The following TEX2 variants were observed in gnomAD, a reference collection of about 807,000 sequenced individuals.
TEX2 encodes testis-expressed protein 2.
In TEX2, 53 loss-of-function variants were observed where a neutral mutation model predicts 106.9. The observed-to-expected ratio is 0.50, with a 90% CI of 0.40 to 0.62. The LOEUF (loss-of-function observed/expected upper bound fraction) is 0.62. TEX2 is among the 20% of genes least tolerant of loss of function. The pLI, the probability that TEX2 is intolerant of heterozygous loss-of-function variation, is 0.00. For synonymous variants in TEX2, 523 were observed against 534.8 expected, an observed-to-expected ratio of 0.98 and a Z score of 0.30; for missense variants, 1,207 against 1,379.0, an observed-to-expected ratio of 0.88 and a Z score of 1.98.
intron 2 of TEX2, among the ~76,000 whole-genome samples, chr17:64,204,769 G>C (rs2032778243): frequency 6.6e-6 from 1 of 152,130 alleles, no homozygotes; most frequent in East Asian, 1.9e-4. Flanking sequence ...AAGAATCTTC[G>C]ATGTTTTTGC....
At position 64,154,847 on chromosome 17, in the gene TEX2, A is replaced by T. The variant is rs1350755874; in HGVS notation, c.2925T>A (p.Ala975=). 2 of 1,601,222 alleles carry T rather than the reference A, an allele frequency of 1.2e-6. No individual in the cohort carries two copies. The highest frequency in any genetic ancestry group is 1.7e-6 in the Non-Finnish European group (2 of 1,174,060). ...SGGDKQLLPG[A]EGYVGGHRTS... is the part of the protein sequence containing the mutation. The stretch of plus-strand genomic sequence containing the variant: ...AGAAGCACTGATCCACTCACCCTTC[A>T]GCCCCTGGGAGGAGCTGTTTGTCTC... Residue 975 remains alanine (A), a synonymous_variant, in exon 9 of 12, where the codon GCT becomes GCA. Coordinates refer to ENST00000584379, the MANE Select transcript of TEX2 (RefSeq NM_001288732.2).
At chr17:64,190,422 C>T (rs1357661597) in intron 4 of TEX2, among the ~76,000 whole-genome samples, 1 of 152,160 alleles carries the variant, frequency 6.6e-6, no homozygotes, top group Non-Finnish European at 1.5e-5. Context: ...AACAGGGCAG[C>T]ATGATACCAA....
intron 1 of TEX2, among the ~76,000 whole-genome samples, chr17:64,232,735 T>C (rs1165771725): frequency 6.6e-6 from 1 of 152,238 alleles, no homozygotes; most frequent in Non-Finnish European, 1.5e-5. Context: ...AAACCTTCCA[T>C]ACAGGGTTGC....
In TEX2 at chr17:64,213,943, G is replaced by A. The variant is rs1035748262; in HGVS notation, c.275C>T (p.Pro92Leu). ...CACGGACAGTCCATCTGCCAGGACAGGCGAGGCAGCAGGGCCGGCGGGGTC... is the reference window on the plus strand; with the variant it reads ...CACGGACAGTCCATCTGCCAGGACAAGCGAGGCAGCAGGGCCGGCGGGGTC... Reference protein sequence around the residue: ...GHDPAGPAASPVLADGLSVSQ... With the variant: ...GHDPAGPAASLVLADGLSVSQ... The change falls in exon 2 of 12, where the codon CCT becomes CTT. Residue 92 changes from proline to leucine, a missense_variant. Pro to Leu is a moderately conservative substitution (Grantham distance 98). Coordinates refer to ENST00000584379, the MANE Select transcript of TEX2 (RefSeq NM_001288732.2). This position sits in a 1 kb window ranked among gnomAD's most constrained non-coding sequence, Gnocchi z 4.4. The A allele has an allele frequency of 8.7e-6, 14 of 1,614,116 alleles. No individual in the cohort carries two copies. Among genetic ancestry groups the A allele is most frequent in the Non-Finnish European group, 1.0e-5 (12 of 1,180,052 alleles).
At chr17:64,176,081 C>A (rs1009920153) in intron 6 of TEX2, among the ~76,000 whole-genome samples, 1 of 152,160 alleles carries the variant, frequency 6.6e-6, no homozygotes, top group African/African-American at 2.4e-5. Flanking sequence ...GCACGTTCAA[C>A]CCTCAAACTA....
At position 64,185,702 on chromosome 17, in the gene TEX2, C is replaced by A. The variant is rs113588162; in HGVS notation, c.2424+2466G>T. Among the ~76,000 whole-genome samples the A allele has an allele frequency of 0.014, 2,202 of 152,218 alleles. 56 individuals carry two copies. Among genetic ancestry groups the A allele is most frequent in the African/African-American group, 0.05 (2,071 of 41,528 alleles). ...CTTTGGGAGGCCGAGGAGAGTGGATCACCAGAGGTCAGGAGTTCAAGACCA... is the reference window on the plus strand; with the variant it reads ...CTTTGGGAGGCCGAGGAGAGTGGATAACCAGAGGTCAGGAGTTCAAGACCA... On this transcript the variant is annotated intron_variant, in intron 5 of 11. Coordinates refer to ENST00000584379, the MANE Select transcript of TEX2 (RefSeq NM_001288732.2). This position sits in a 1 kb window ranked among gnomAD's most constrained non-coding sequence, Gnocchi z 4.0.
intron 5 of TEX2, among the ~76,000 whole-genome samples, chr17:64,181,312 C>T (rs1598148887): frequency 6.6e-6 from 1 of 151,772 alleles, no homozygotes; most frequent in Admixed American, 6.6e-5. Flanking sequence ...CCCGTCTCTA[C>T]CAAAAATACA....
chr17:64,164,607 A>G (rs2031042438), intron 7 of TEX2, among the ~76,000 whole-genome samples: 1 of 152,140 alleles, frequency 6.6e-6, no homozygotes, highest in Non-Finnish European at 1.5e-5. Context: ...TGTGGCAAAA[A>G]TTACAGCTTA....
At chr17:64,218,527 T>A (rs1168714238) in intron 1 of TEX2, among the ~76,000 whole-genome samples, 1 of 150,476 alleles carries the variant, frequency 6.6e-6, no homozygotes, top group African/African-American at 2.5e-5. Flanking sequence ...CAAGTGATTC[T>A]CCTGCCTCGG....
chr17:64,180,965 A>C (rs1327299024), intron 5 of TEX2, among the ~76,000 whole-genome samples: 1 of 152,202 alleles, frequency 6.6e-6, no homozygotes, highest in Admixed American at 6.5e-5. Context: ...GGGGTTGCAC[A>C]AGGGACAGTG....
chr17:64,168,907 T>TTTTTTTA (rs2031267782), intron 7 of TEX2, among the ~76,000 whole-genome samples: 1 of 148,460 alleles, frequency 6.7e-6, no homozygotes, highest in African/African-American at 2.5e-5. Context: ...TGGTGCTTTT[T>TTTTTTTA]TTTTTTTTTT....
rs2034095171 is a variant in TEX2, at chr17:64,251,673, C to CCCCA, written c.-26+11494_-26+11495insTGGG. Among the ~76,000 whole-genome samples, 17 of 152,290 alleles carry CCCCA rather than the reference C, an allele frequency of 1.1e-4. No homozygotes were observed. The South Asian group carries it at 3.5e-3, about 32-fold the overall frequency. On this transcript the variant is annotated intron_variant, in intron 1 of 11. Coordinates refer to ENST00000584379, the MANE Select transcript of TEX2 (RefSeq NM_001288732.2). The stretch of plus-strand genomic sequence containing the variant: ...GCTCCCCCACTCATCTGGAAGTAGC[C>CCCCA]CTCAGGAAGAGAGAGAAGGGGGAAG...
At position 64,188,349 on chromosome 17, in the gene TEX2, C is replaced by T; in HGVS notation, c.2243G>A (p.Ser748Asn). ...SGHLTHSRSS[S>N]KGSVEEIMSQ... ...CATGATCTCCTCCACACTGCCTTTGCTGCTGCTGCGGCTGTGGGTCAGGTG... is the reference window on the plus strand; with the variant it reads ...CATGATCTCCTCCACACTGCCTTTGTTGCTGCTGCGGCTGTGGGTCAGGTG... Residue 748 changes from serine to asparagine, a missense_variant, in exon 5 of 12, where the codon AGC becomes AAC. Ser to Asn is a conservative substitution (Grantham distance 46). This residue lies in a region of TEX2 where 1,067 missense variants were observed against 1,193.6 expected (regional missense o/e 0.89). Transcript: ENST00000584379. 1 of 1,614,194 alleles carries T rather than the reference C, an allele frequency of 6.2e-7. No individual in the cohort carries two copies. The highest frequency in any genetic ancestry group is 8.5e-7 in the Non-Finnish European group (1 of 1,180,032).
At chr17:64,167,597 T>C (rs897642587) in intron 7 of TEX2, among the ~76,000 whole-genome samples, 1 of 152,050 alleles carries the variant, frequency 6.6e-6, no homozygotes. Context: ...GGTGGGTGGA[T>C]CACCTGAGGT....
Position 64,181,064 on chromosome 17 carries a change from C to T in TEX2, c.2425-3593G>A, listed in dbSNP as rs923404777. ...AACAATGCATATTCACTGCAGAAAA[C>T]ACCCATAAACCTGCTACTCAGATTT... On this transcript the variant is annotated intron_variant, in intron 5 of 11. Coordinates refer to ENST00000584379, the MANE Select transcript of TEX2 (RefSeq NM_001288732.2). Among the ~76,000 whole-genome samples, 4 of 152,248 alleles carry T rather than the reference C, an allele frequency of 2.6e-5. No individual in the cohort carries two copies. The South Asian group carries it at 8.3e-4, about 32-fold the overall frequency.
chr17:64,234,513 C>T (rs2033725991), intron 1 of TEX2, among the ~76,000 whole-genome samples: 1 of 152,150 alleles, frequency 6.6e-6, no homozygotes, highest in Non-Finnish European at 1.5e-5. Flanking sequence ...CATTAAATAC[C>T]ACCCAGATAA....
intron 7 of TEX2, among the ~76,000 whole-genome samples, chr17:64,162,189 T>G (rs1335292297): frequency 1.3e-5 from 2 of 152,268 alleles, no homozygotes. Context: ...TTGTATTTCT[T>G]GTTTACATTA....
chr17:64,172,891 T>C (rs970385286), intron 6 of TEX2, among the ~76,000 whole-genome samples: 2 of 152,224 alleles, frequency 1.3e-5, no homozygotes, highest in African/African-American at 4.8e-5. Flanking sequence ...TGGCATCATG[T>C]TTAAAAATTC....
Position 64,173,866 on chromosome 17 carries a change from A to G in TEX2, c.2572-2667T>C, listed in dbSNP as rs191144730. On this transcript the variant is annotated intron_variant, in intron 6 of 11. Transcript: ENST00000584379. ...GTGTTTCTTTTCTTTTTTTTTTTGA[A>G]ACAGGATTTCGCTCTGTCACTCAGG... Among the ~76,000 whole-genome samples the G allele has an allele frequency of 2.2e-4, 34 of 151,952 alleles. No individual in the cohort carries two copies. In the East Asian group the frequency reaches 6.0e-3, roughly 27 times the overall value.
Sources: gnomAD v4.1 joint callset for allele counts (sites outside exome capture counted in the v4.1 genomes callset) on GRCh38, gnomAD v4.1.1 for gene constraint, gnomAD v4.1.1 regional missense constraint, Gnocchi (gnomAD v3.1) non-coding constraint, MANE v1.5 for transcripts, NCBI Gene and HGNC (gene_info 2026-07-23, HGNC 2026-07-21) for gene names.